CPLANE1: variants seen among roughly 807,000 people sequenced by gnomAD.
The protein encoded by CPLANE1 is ciliogenesis and planar polarity effector complex subunit 1.
A neutral mutation model predicts 362.5 loss-of-function variants in CPLANE1; 263 were observed. The observed-to-expected ratio is 0.73, with a 90% CI of 0.66 to 0.80. The LOEUF is 0.80. CPLANE1 is among the 30% of genes least tolerant of loss of function. CPLANE1 has a pLI of 0.00. For missense variants in CPLANE1, 3,461 were observed against 3,793.4 expected, an observed-to-expected ratio of 0.91 and a Z score of 2.30; for synonymous variants, 1,212 against 1,302.6, an observed-to-expected ratio of 0.93 and a Z score of 1.50.
At chr5:37,132,167 C>T (rs1766023667) in intron 46 of CPLANE1, among the ~76,000 whole-genome samples, 1 of 151,772 alleles carries the variant, frequency 6.6e-6, no homozygotes, top group Non-Finnish European at 1.5e-5. Context: ...AATCCTTTTT[C>T]GTTTTTGTAC....
In CPLANE1 at chr5:37,165,768, G is replaced by A. The variant is rs78818475; in HGVS notation, c.7401-97C>T. 3.7e-3 allele frequency: 4,085 copies of A among 1,115,298 alleles called. 113 individuals carry two copies. In the African/African-American group the frequency reaches 0.059, roughly 16 times the overall value. 69.1% of individuals were successfully genotyped at this position (1,115,298 alleles called of 1,614,324 possible). Reference sequence around the variant, plus strand: ...ATAGGGATACAGTTGACAAAATTACGTTCATAAATTATTTTCAATAGCATT... The same window carrying A: ...ATAGGGATACAGTTGACAAAATTACATTCATAAATTATTTTCAATAGCATT... On this transcript the variant is annotated intron_variant, in intron 35 of 52. Transcript: ENST00000651892.
At chr5:37,172,784 G>A (rs1780153602) in intron 32 of CPLANE1, among the ~76,000 whole-genome samples, 1 of 152,100 alleles carries the variant, frequency 6.6e-6, no homozygotes, top group Non-Finnish European at 1.5e-5. Flanking sequence ...TCAGGAGTTC[G>A]AGACCAGCCT....
At position 37,107,843 on chromosome 5, in the gene CPLANE1, A is replaced by G. The variant is rs149642329; in HGVS notation, c.9580-65T>C. ...AAACAAACAAAAAAACAAAAACAAA[A>G]AAACCTGGAACGTGAACTAAGCTTT... On this transcript the variant is annotated intron_variant, in intron 52 of 52. Transcript: ENST00000651892. 1.3e-3 allele frequency: 1,902 copies of G among 1,464,418 alleles called. 2 individuals carry two copies. Among genetic ancestry groups the G allele is most frequent in the Non-Finnish European group, 1.5e-3 (1,625 of 1,105,844 alleles). 90.7% of individuals were successfully genotyped at this position (1,464,418 alleles called of 1,614,324 possible). A position where few individuals can be genotyped will look rare whatever the true frequency, so the allele number is the denominator to read the frequency against.
At chr5:37,075,722 T>C in the CPLANE1 span, among the ~76,000 whole-genome samples, 1 of 152,168 alleles carries the variant, frequency 6.6e-6, no homozygotes, top group Non-Finnish European at 1.5e-5. Context: ...CAGAACACAT[T>C]GTAACCTGGA....
At chr5:37,199,217 G>T (rs1180230501) in intron 19 of CPLANE1, among the ~76,000 whole-genome samples, 1 of 151,990 alleles carries the variant, frequency 6.6e-6, no homozygotes, top group African/African-American at 2.4e-5. Flanking sequence ...TTCAACTATG[G>T]CTATTTCTAG....
chr5:37,108,251 T>A, intron 52 of CPLANE1, 42 bp downstream of exon 52: 1 of 1,543,426 alleles, frequency 6.5e-7, no homozygotes. Context: ...CTGAAGAACA[T>A]AGAGCAATCA....
At chr5:37,231,175 T>C in intron 8 of CPLANE1, 126 bp from the exon 9 acceptor site, 1 of 503,708 alleles carries the variant, frequency 2.0e-6, no homozygotes, top group Non-Finnish European at 3.2e-6. Flanking sequence ...TGACTAATAG[T>C]AGACAATTGC....
In CPLANE1 at chr5:37,165,566, A is replaced by C. The variant is rs1267264302; in HGVS notation, c.7506T>G (p.Asp2502Glu). The change falls in exon 36 of 53, where the codon GAT becomes GAG. Residue 2502 changes from aspartate (D) to glutamate (E), a missense_variant. Asp to Glu is a conservative substitution (Grantham distance 45). Around this residue, in one of 2 missense-constraint regions of CPLANE1, gnomAD observed 3,380 missense variants for 3,666.1 expected, o/e 0.92. Transcript: ENST00000651892. ...FRPENSIINN[D>E]DSEIIKKPKE... ...TGGGTTTCTTAATGATTTCTGAATC[A>C]TCATTATTAATTATGGAATTCTCTG... The C allele has an allele frequency of 1.2e-6, 2 of 1,608,564 alleles. No homozygotes were observed. The highest frequency in any genetic ancestry group is 3.4e-5 in the Admixed American group (2 of 58,574).
chr5:37,136,936 T>G (rs552452478), intron 46 of CPLANE1, among the ~76,000 whole-genome samples: 1 of 152,172 alleles, frequency 6.6e-6, no homozygotes, highest in African/African-American at 2.4e-5. Flanking sequence ...TCTGGGCCTG[T>G]GATGGGAGGG....
chr5:37,096,445 T>C, the CPLANE1 span, among the ~76,000 whole-genome samples: 1 of 152,188 alleles, frequency 6.6e-6, no homozygotes, highest in Admixed American at 6.5e-5. Flanking sequence ...CCTGAAACTA[T>C]AAAAATTCTA....
At chr5:37,191,901 T>C (rs969206187) in intron 21 of CPLANE1, among the ~76,000 whole-genome samples, 1 of 152,198 alleles carries the variant, frequency 6.6e-6, no homozygotes, top group Non-Finnish European at 1.5e-5. Flanking sequence ...TAATTTATTA[T>C]GGAAGAAAAA....
At chr5:37,075,816 C>CAGAT in the CPLANE1 span, among the ~76,000 whole-genome samples, 1 of 152,150 alleles carries the variant, frequency 6.6e-6, no homozygotes, top group Non-Finnish European at 1.5e-5. Context: ...TTTGGCAAGG[C>CAGAT]AGATACTTAC....
chr5:37,220,437 C>CAT (rs1368603284), intron 15 of CPLANE1, among the ~76,000 whole-genome samples: 2 of 152,084 alleles, frequency 1.3e-5, no homozygotes, highest in African/African-American at 4.8e-5. Flanking sequence ...CATGTTCATT[C>CAT]ATATATATCT....
chr5:37,198,209 A>G (rs1369743481), intron 20 of CPLANE1, among the ~76,000 whole-genome samples: 3 of 152,212 alleles, frequency 2.0e-5, no homozygotes, highest in Admixed American at 6.5e-5. Context: ...TGAAGTCAAT[A>G]TAGAAGGGGA....
rs553022771 is a variant in CPLANE1 at position 37,106,769 on chromosome 5, A to G, written c.*833T>C. 5.7e-5 allele frequency: 49 copies of G among 858,436 alleles called. 1 individual carries two copies. The Admixed American group carries it at 2.7e-3, about 48-fold the overall frequency. 53.2% of individuals were successfully genotyped at this position (858,436 alleles called of 1,614,324 possible). On this transcript the variant is annotated 3_prime_UTR_variant, in exon 53 of 53. Transcript: ENST00000651892. ...ATTTGGAAAAAGAGGGGTATTTAAT[A>G]GCTTTTTCAGATGATAGTGTGCTTT...
At chr5:37,175,442 G>A (rs1780901811) in intron 31 of CPLANE1, among the ~76,000 whole-genome samples, 2 of 152,172 alleles carry the variant, frequency 1.3e-5, no homozygotes, top group African/African-American at 4.8e-5. Context: ...CAGGTCTCAA[G>A]GAGATCGATT....
Position 37,227,611 on chromosome 5 carries a change from G to T in CPLANE1, c.1328C>A (p.Thr443Asn). Reference sequence around the variant, plus strand: ...TTGATATATTTTCTCAAGCCTCTGGGTTGAATCAAGTAGAAGTGATCTCAT... The same window carrying T: ...TTGATATATTTTCTCAAGCCTCTGGTTTGAATCAAGTAGAAGTGATCTCAT... The part of the protein sequence containing the change: ...VHMRSLLLDS[T>N]QRLEKIYQSV... Residue 443 changes from threonine (T) to asparagine (N), a missense_variant, in exon 10 of 53, where the codon ACC becomes AAC. Thr to Asn is a moderately conservative substitution (Grantham distance 65). This residue lies in a region of CPLANE1 where 3,380 missense variants were observed against 3,666.1 expected (regional missense o/e 0.92). Coordinates refer to ENST00000651892, the MANE Select transcript of CPLANE1 (RefSeq NM_001384732.1). 1.3e-6 allele frequency: 2 copies of T among 1,551,336 alleles called. No homozygotes were observed. Among genetic ancestry groups the T allele is most frequent in the Non-Finnish European group, 1.7e-6 (2 of 1,146,724 alleles).
At chr5:37,113,351 T>C (rs1038701296) in intron 51 of CPLANE1, among the ~76,000 whole-genome samples, 1 of 152,230 alleles carries the variant, frequency 6.6e-6, no homozygotes, top group Non-Finnish European at 1.5e-5. Flanking sequence ...CCTGCCACCA[T>C]GTAAGACTTG....
At chr5:37,084,180 A>G in the CPLANE1 span, among the ~76,000 whole-genome samples, 1 of 152,350 alleles carries the variant, frequency 6.6e-6, no homozygotes, top group Middle Eastern at 3.4e-3. Flanking sequence ...AGTGAAACTG[A>G]GCTTCATATA....
Sources: gnomAD v4.1 joint callset for allele counts (sites outside exome capture counted in the v4.1 genomes callset) on GRCh38, gnomAD v4.1.1 for gene constraint, gnomAD v4.1.1 regional missense constraint, MANE v1.5 for transcripts, NCBI Gene and HGNC (gene_info 2026-07-23, HGNC 2026-07-21) for gene names.